PRCP: variants seen among roughly 807,000 people sequenced by gnomAD.
PRCP encodes the protein prolylcarboxypeptidase.
A neutral mutation model predicts 54.2 loss-of-function variants in PRCP; 46 were observed. That is an observed-to-expected ratio of 0.85 (90% CI 0.67 to 1.09). PRCP has a LOEUF of 1.09. Among genes scored for constraint, PRCP ranks in the 50% least tolerant of loss-of-function variants. PRCP has a pLI of 0.00. For missense variants in PRCP, 613 were observed against 596.8 expected (o/e 1.03, Z -0.28); for synonymous variants, 240 against 212.2 (o/e 1.13, Z -1.14).
chr11:82,896,851 T>C (rs976439535), intron 1 of PRCP, among the ~76,000 whole-genome samples: 1 of 151,964 alleles, frequency 6.6e-6, no homozygotes, highest in Non-Finnish European at 1.5e-5. Flanking sequence ...AATTCCTTAA[T>C]AAAAATCTCT....
intron 1 of PRCP, among the ~76,000 whole-genome samples, chr11:82,897,492 G>T (rs143663257): frequency 6.6e-6 from 1 of 152,134 alleles, no homozygotes; most frequent in Non-Finnish European, 1.5e-5. Flanking sequence ...GATGAAAAAA[G>T]ACCAACTAAA....
chr11:82,849,703 C>T (rs1213446444), intron 5 of PRCP, among the ~76,000 whole-genome samples: 4 of 152,168 alleles, frequency 2.6e-5, no homozygotes, highest in Middle Eastern at 3.2e-3. Context: ...ATGCTGACAA[C>T]GCCCTTTACT....
At chr11:82,848,966 T>C in intron 6 of PRCP, 83 bp downstream of exon 6, 1 of 1,402,510 alleles carries the variant, frequency 7.1e-7, no homozygotes, top group Non-Finnish European at 9.7e-7. Context: ...CACTGGGACT[T>C]TCTCTGAGGC....
chr11:82,859,555 G>A (rs558667665), intron 2 of PRCP, among the ~76,000 whole-genome samples: 65 of 152,072 alleles, frequency 4.3e-4, no homozygotes, highest in Non-Finnish European at 3.8e-4. Flanking sequence ...ATTCTTATCC[G>A]TTTCCCTTAT....
chr11:82,861,135 G>A (rs1311148070), intron 1 of PRCP, among the ~76,000 whole-genome samples: 2 of 149,232 alleles, frequency 1.3e-5, no homozygotes, highest in African/African-American at 5.1e-5. Context: ...GCCACCATTT[G>A]TTTATTAAAT....
intron 1 of PRCP, among the ~76,000 whole-genome samples, chr11:82,872,081 T>C (rs1859495016): frequency 6.6e-6 from 1 of 152,208 alleles, no homozygotes; most frequent in South Asian, 2.1e-4. Flanking sequence ...TAGTTGTTTA[T>C]TATTCATTAT....
At chr11:82,866,686 C>T (rs1008501275) in intron 1 of PRCP, among the ~76,000 whole-genome samples, 11 of 152,040 alleles carry the variant, frequency 7.2e-5, no homozygotes, top group Admixed American at 7.2e-4. Context: ...TACCACAGTG[C>T]CCTTGTACAT....
rs376071260 is a variant in PRCP, at chr11:82,839,291, G to A, written c.1056C>T (p.Ser352=). ...AGCTCCAACCCAGTGTTCCCAGACTGCTAGTTGCTGTCTCTGAAATATTCA... is the reference window on the plus strand; with the variant it reads ...AGCTCCAACCCAGTGTTCCCAGACTACTAGTTGCTGTCTCTGAAATATTCA... ...KCLNISETAT[S]SLGTLGWSYQ... The change falls in exon 7 of 9, where the codon AGC becomes AGT. Residue 352 remains serine (S), a synonymous_variant. Coordinates refer to ENST00000313010, the MANE Select transcript of PRCP (RefSeq NM_005040.4). The A allele has an allele frequency of 2.5e-6, 4 of 1,613,800 alleles. No individual in the cohort carries two copies. Among genetic ancestry groups the A allele is most frequent in the African/African-American group, 1.3e-5 (1 of 74,890 alleles).
chr11:82,826,464 C>T (rs1269779650), intron 8 of PRCP: 1 of 152,162 alleles, frequency 6.6e-6, no homozygotes, highest in Non-Finnish European at 1.5e-5. Context: ...TGCATGATTT[C>T]ACTTCTCTTA....
intron 1 of PRCP, among the ~76,000 whole-genome samples, chr11:82,882,903 A>C (rs1859785498): frequency 6.8e-6 from 1 of 147,240 alleles, no homozygotes; most frequent in Admixed American, 6.7e-5. Flanking sequence ...CCTTTTTTAG[A>C]TCTCCAGACC....
intron 2 of PRCP, 36 bp downstream of exon 2, chr11:82,859,941 A>G: frequency 6.6e-7 from 1 of 1,524,636 alleles, no homozygotes; most frequent in Non-Finnish European, 8.8e-7. Flanking sequence ...AATAAAAGTC[A>G]AATTGAGCAC....
At chr11:82,827,814 A>C (rs1307554132) in intron 8 of PRCP, 1 of 152,146 alleles carries the variant, frequency 6.6e-6, no homozygotes, top group African/African-American at 2.4e-5. Flanking sequence ...GTCCAGCTGG[A>C]AATTTGACAG....
intron 2 of PRCP, chr11:82,858,352 C>T (rs887626188): frequency 2.0e-5 from 3 of 152,322 alleles, no homozygotes; most frequent in African/African-American, 4.8e-5. Flanking sequence ...CCTTCACTCT[C>T]GACCACTGTG....
At chr11:82,877,483 G>T (rs1859635640) in intron 1 of PRCP, among the ~76,000 whole-genome samples, 1 of 152,134 alleles carries the variant, frequency 6.6e-6, no homozygotes, top group Non-Finnish European at 1.5e-5. Flanking sequence ...GCTGAGCCCA[G>T]GGTCCCCATG....
At chr11:82,826,281 A>G (rs1244361197) in intron 8 of PRCP, 1 of 152,228 alleles carries the variant, frequency 6.6e-6, no homozygotes, top group African/African-American at 2.4e-5. Context: ...AGTTTCACCC[A>G]TGTTGTGGCA....
intron 6 of PRCP, among the ~76,000 whole-genome samples, chr11:82,843,554 T>C (rs534369776): frequency 1.9e-4 from 21 of 109,290 alleles, no homozygotes; most frequent in Non-Finnish European, 3.4e-4. Context: ...ATTGTTTACA[T>C]AGAGGCTGTG....
chr11:82,839,450 GGAAA>G (rs1858608340), intron 6 of PRCP, 25 bp from the exon 7 acceptor site: 3 of 1,584,946 alleles, frequency 1.9e-6, no homozygotes, highest in Non-Finnish European at 1.7e-6. Context: ...AGATAAATGG[GGAAA>G]GAGTCAGAAT....
intron 6 of PRCP, chr11:82,845,505 T>A (rs961568337): frequency 7.9e-5 from 12 of 152,168 alleles, no homozygotes; most frequent in African/African-American, 2.7e-4. Context: ...AAGGCTTCAA[T>A]ACCCCTCTCA....
chr11:82,849,028 G>A (rs368341526), intron 6 of PRCP, 21 bp downstream of exon 6: 7 of 1,602,216 alleles, frequency 4.4e-6, no homozygotes, highest in African/African-American at 1.3e-5. Context: ...AAAAAATGAT[G>A]ACAGGACATT....
Sources: allele counts gnomAD v4.1 joint callset (sites outside exome capture counted in the v4.1 genomes callset), GRCh38; gene constraint gnomAD v4.1.1; transcripts MANE v1.5; gene names NCBI Gene and HGNC (gene_info 2026-07-23, HGNC 2026-07-21).